CDC20: variants seen among roughly 807,000 people sequenced by gnomAD.
CDC20 encodes the protein cell division cycle 20, also known as cell division cycle protein 20 homolog.
In CDC20, 34 loss-of-function variants were observed where a neutral mutation model predicts 60.0. The ratio of observed to expected loss-of-function variants is 0.57; its 90% confidence interval spans 0.43 to 0.75. The LOEUF is 0.75. CDC20 is among the 30% of genes least tolerant of loss of function. The pLI is 0.00. For synonymous variants in CDC20, 198 were observed against 243.5 expected, an observed-to-expected ratio of 0.81 and a Z score of 1.74; for missense variants, 469 against 647.3, an observed-to-expected ratio of 0.72 and a Z score of 2.99.
In CDC20 at chr1:43,360,013, C is replaced by T; in HGVS notation, c.472C>T (p.Pro158Ser). The T allele has an allele frequency of 6.2e-7, 1 of 1,614,118 alleles. No individual in the cohort carries two copies. The change falls in exon 5 of 11, where the codon CCT becomes TCT. Residue 158 changes from proline (P) to serine (S), a missense_variant. Physicochemically the swap from Pro to Ser is moderately conservative, Grantham distance 74. Coordinates refer to ENST00000310955, the MANE Select transcript of CDC20 (RefSeq NM_001255.3). Reference protein sequence around the residue: ...LKVLYSQKATPGSSRKTCRYI... With the variant: ...LKVLYSQKATSGSSRKTCRYI... ...AGTACTCTACAGCCAAAAGGCCACT[C>T]CTGGCTCCAGCCGGAAGACCTGCCG...
At chr1:43,360,120 C>T (rs771771629) in intron 5 of CDC20, 23 bp downstream of exon 5, 35 of 1,614,170 alleles carry the variant, frequency 2.2e-5, no homozygotes, top group Non-Finnish European at 3.0e-5. Flanking sequence ...TTATCCTCGC[C>T]TCATGCATGG....
At chr1:43,362,173 C>CA in intron 9 of CDC20, 22 bp from the exon 10 acceptor site, 1 of 1,466,580 alleles carries the variant, frequency 6.8e-7, no homozygotes, top group Non-Finnish European at 9.6e-7. Flanking sequence ...TATGTCATGC[C>CA]CACACCAGCT....
Position 43,361,240 on chromosome 1 carries a change from TC to T in CDC20, c.1201del (p.Gln401ArgfsTer25). On this transcript the variant is annotated frameshift_variant, in exon 9 of 11. Coordinates refer to ENST00000310955, the MANE Select transcript of CDC20 (RefSeq NM_001255.3). LOFTEE classifies it high-confidence loss of function. ...GACLSAVDAH[S>X]QVCSILWSPH... ...CTGTCTGAGTGCCGTGGATGCCCAT[TC>T]CCAGGTAATCTTTTGCCTGTTCCTG... 6.2e-7 allele frequency: 1 copy of T among 1,600,936 alleles called. No homozygotes were observed. The highest frequency in any genetic ancestry group is 8.5e-7 in the Non-Finnish European group (1 of 1,173,192).
chr1:43,360,246 AAC>A lies in CDC20; in HGVS notation c.612_613del (p.Asn204LysfsTer11), dbSNP rs767902090. The A allele has an allele frequency of 6.2e-7, 1 of 1,614,194 alleles. No individual in the cohort carries two copies. The highest frequency in any genetic ancestry group is 1.1e-5 in the South Asian group (1 of 91,084). ...SGNVLAVALD[N>X]SVYLWSASSG... ...GAATGTACTGGCCGTGGCACTGGAC[AAC>A]AGTGTGTACCTGTGGAGTGCAAGCT... is the stretch of plus-strand genomic sequence containing the variant. On this transcript the variant is annotated frameshift_variant, in exon 6 of 11. Coordinates refer to ENST00000310955, the MANE Select transcript of CDC20 (RefSeq NM_001255.3). LOFTEE classifies it high-confidence loss of function.
chr1:43,362,431 A>G (rs1480056380), intron 10 of CDC20, 119 bp downstream of exon 10: 5 of 617,906 alleles, frequency 8.1e-6, no homozygotes, highest in Middle Eastern at 2.6e-4. Flanking sequence ...GAGAGAGGGT[A>G]ATGGGAAATG....
chr1:43,361,343 C>A, intron 9 of CDC20, 98 bp downstream of exon 9: 1 of 1,219,666 alleles, frequency 8.2e-7, no homozygotes, highest in Non-Finnish European at 1.1e-6. Flanking sequence ...TGGTGATTCC[C>A]AAACTTCTAA....
In CDC20 at chr1:43,362,986, C is replaced by T; in HGVS notation, c.1357C>T (p.Pro453Ser). The change falls in exon 11 of 11, where the codon CCA becomes TCA. Residue 453 changes from proline (P) to serine (S), a missense_variant. Pro to Ser is a moderately conservative substitution (Grantham distance 74). Coordinates refer to ENST00000310955, the MANE Select transcript of CDC20 (RefSeq NM_001255.3). The part of the protein sequence containing the change: ...TSRVLSLTMS[P>S]DGATVASAAA... ...CCGGGTCCTGAGTCTGACCATGAGC[C>T]CAGATGGGGCCACAGTGGCATCCGC... The T allele has an allele frequency of 6.2e-7, 1 of 1,609,286 alleles. No homozygotes were observed. Among genetic ancestry groups the T allele is most frequent in the Non-Finnish European group, 8.5e-7 (1 of 1,178,676 alleles).
chr1:43,361,579 G>C (rs907991032), intron 9 of CDC20, among the ~76,000 whole-genome samples: 2 of 152,156 alleles, frequency 1.3e-5, no homozygotes, highest in Non-Finnish European at 2.9e-5. Context: ...GGATCTATCA[G>C]TTTTACCTCA....
Position 43,363,154 on chromosome 1 carries a change from T to G in CDC20, c.*25T>G. 1.3e-6 allele frequency: 2 copies of G among 1,595,248 alleles called. No individual in the cohort carries two copies. Among genetic ancestry groups the G allele is most frequent in the Middle Eastern group, 1.7e-4 (1 of 6,014 alleles). On this transcript the variant is annotated 3_prime_UTR_variant, in exon 11 of 11. Coordinates refer to ENST00000310955, the MANE Select transcript of CDC20 (RefSeq NM_001255.3). ...AAGACCAACCCATCACCTCAGTTGT[T>G]TTTTATTTTTCTAATAAAGTCATGT...
intron 8 of CDC20, 21 bp from the exon 9 acceptor site, chr1:43,361,099 C>A (rs1486779165): frequency 1.2e-6 from 2 of 1,613,994 alleles, no homozygotes; most frequent in East Asian, 2.2e-5. Context: ...TACCTGCTGA[C>A]CCCACCTTTA....
In CDC20 at chr1:43,363,152, GTTTT is replaced by G. The variant is rs767851301; in HGVS notation, c.*26_*29del. The stretch of plus-strand genomic sequence containing the variant: ...TGAAGACCAACCCATCACCTCAGTT[GTTTT>G]TTATTTTTCTAATAAAGTCATGTCT... On this transcript the variant is annotated 3_prime_UTR_variant, in exon 11 of 11. Coordinates refer to ENST00000310955, the MANE Select transcript of CDC20 (RefSeq NM_001255.3). 1.3e-6 allele frequency: 2 copies of G among 1,595,034 alleles called. No individual in the cohort carries two copies. The highest frequency in any genetic ancestry group is 4.5e-5 in the East Asian group (2 of 44,644).
At chr1:43,359,138 C>T (rs1363757980) in intron 1 of CDC20, 29 bp from the exon 2 acceptor site, 1 of 1,487,902 alleles carries the variant, frequency 6.7e-7, no homozygotes, top group South Asian at 1.1e-5. Flanking sequence ...CTTTCTGTCC[C>T]CTGAGCACCG....
rs371111819 is a variant in CDC20, at chr1:43,363,124, C to T, written c.1495C>T (p.Arg499Cys). 7 of 1,611,632 alleles carry T rather than the reference C, an allele frequency of 4.3e-6. No individual in the cohort carries two copies. The highest frequency in any genetic ancestry group is 3.4e-5 in the Admixed American group (2 of 59,340). ...AAGCAGCCTCATCCACCAAGGCATC[C>T]GCTGAAGACCAACCCATCACCTCAG... Reference protein sequence around the residue: ...AKSSLIHQGIR With the variant: ...AKSSLIHQGIC The change falls in exon 11 of 11, where the codon CGC (arginine) becomes TGC (cysteine). Residue 499 changes from arginine to cysteine, a missense_variant. By Grantham distance (180) the Arg-to-Cys change is radical. Coordinates refer to ENST00000310955, the MANE Select transcript of CDC20 (RefSeq NM_001255.3).
In CDC20 at chr1:43,359,412, A is replaced by G. The variant is rs765599120; in HGVS notation, c.181+16A>G. 1.9e-6 allele frequency: 3 copies of G among 1,612,638 alleles called. No homozygotes were observed. Among genetic ancestry groups the G allele is most frequent in the Non-Finnish European group, 2.5e-6 (3 of 1,179,178 alleles). ...CGAACTCCTGGTCAGTGAGGTGCCA[A>G]AGGAACTGAGTGAGAGCAGCCTTCA... is the stretch of plus-strand genomic sequence containing the variant. On this transcript the variant is annotated intron_variant, in intron 2 of 10. Coordinates refer to ENST00000310955, the MANE Select transcript of CDC20 (RefSeq NM_001255.3).
Position 43,360,887 on chromosome 1 carries a change from G to A in CDC20, c.1003G>A (p.Val335Met), listed in dbSNP as rs2153922379. The A allele has an allele frequency of 1.2e-6, 2 of 1,614,188 alleles. No individual in the cohort carries two copies. The highest frequency in any genetic ancestry group is 1.7e-6 in the Non-Finnish European group (2 of 1,180,012). ...ASGGNDNLVN[V>M]WPSAPGEGGW... ...TGGTGGTAATGATAACTTGGTCAAT[G>A]TGTGGCCTAGTGCTCCTGGAGAGGG... Residue 335 changes from valine (V) to methionine (M), a missense_variant, in exon 8 of 11, where the codon GTG becomes ATG. By Grantham distance (21) the Val-to-Met change is conservative. Coordinates refer to ENST00000310955, the MANE Select transcript of CDC20 (RefSeq NM_001255.3).
chr1:43,359,165 A>AT lies in CDC20; in HGVS notation c.-49-2_-49-1insT, dbSNP rs1557472682. 7 of 1,595,762 alleles carry AT rather than the reference A, an allele frequency of 4.4e-6. No individual in the cohort carries two copies. The highest frequency in any genetic ancestry group is 6.0e-6 in the Non-Finnish European group (7 of 1,166,240). On this transcript the variant is annotated splice_acceptor_variant, in intron 1 of 10. Transcript: ENST00000310955. LOFTEE classifies it low-confidence loss of function (5UTR_SPLICE). ...TGAGCACCGTCGCCTCCTTTCCTCC[A>AT]GGGCTCCGTAGGCACCAACTGCAAG...
intron 9 of CDC20, among the ~76,000 whole-genome samples, chr1:43,361,855 A>G (rs980740122): frequency 1.3e-5 from 2 of 152,198 alleles, no homozygotes; most frequent in African/African-American, 4.8e-5. Context: ...TATGGACTCT[A>G]GAGCCAGATG....
rs1023271328 is a variant in CDC20 at position 43,359,378 on chromosome 1, A to G, written c.163A>G (p.Thr55Ala). 1 of 1,612,798 alleles carries G rather than the reference A, an allele frequency of 6.2e-7. No homozygotes were observed. The highest frequency in any genetic ancestry group is 8.5e-7 in the Non-Finnish European group (1 of 1,179,562). The stretch of plus-strand genomic sequence containing the variant: ...CAACCGATCCCACAGCGCCGGCAGG[A>G]CTCCGGGCCGAACTCCTGGTCAGTG... ...AANRSHSAGR[T>A]PGRTPGKSSS... The change falls in exon 2 of 11, where the codon ACT (threonine) becomes GCT (alanine). Residue 55 changes from threonine (T) to alanine (A), a missense_variant. Coordinates refer to ENST00000310955, the MANE Select transcript of CDC20 (RefSeq NM_001255.3).
In CDC20 at chr1:43,359,803, C is replaced by A. The variant is rs768859460; in HGVS notation, c.409C>A (p.Pro137Thr). Residue 137 changes from proline (P) to threonine (T), a missense_variant, in exon 4 of 11, where the codon CCA becomes ACA. Physicochemically the swap from Pro to Thr is conservative, Grantham distance 38 (BLOSUM62 -1). This residue lies in a region of CDC20 where 7 missense variants were observed against 30.8 expected (regional missense o/e 0.23). Transcript: ENST00000310955. ...EAKILRLSGK[P>T]QNAPEGYQNR... Reference sequence around the variant, plus strand: ...CAAGATCCTTCGGCTCAGTGGAAAACCACAAAATGCGCCAGAGGGTAAGAC... The same window carrying A: ...CAAGATCCTTCGGCTCAGTGGAAAAACACAAAATGCGCCAGAGGGTAAGAC... The A allele has an allele frequency of 1.9e-6, 3 of 1,613,912 alleles. No homozygotes were observed. Among genetic ancestry groups the A allele is most frequent in the Non-Finnish European group, 2.5e-6 (3 of 1,180,022 alleles).
Sources: gnomAD v4.1 joint callset for allele counts (sites outside exome capture counted in the v4.1 genomes callset) on GRCh38, gnomAD v4.1.1 for gene constraint, gnomAD v4.1.1 regional missense constraint, MANE v1.5 for transcripts, NCBI Gene and HGNC (gene_info 2026-07-23, HGNC 2026-07-21) for gene names.